Variants in ELOVL7 observed in about 807,000 individuals in gnomAD.
ELOVL7 encodes the protein ELOVL fatty acid elongase 7, also known as very long chain fatty acid elongase 7.
A neutral mutation model predicts 35.7 loss-of-function variants in ELOVL7; 27 were observed. The observed-to-expected ratio is 0.76, with a 90% CI of 0.56 to 1.04. The LOEUF is 1.04. ELOVL7 is among the 50% of genes least tolerant of loss of function. The probability of loss-of-function intolerance (pLI) is 0.00; values close to 1 mark genes in which losing one functional copy is unlikely to be tolerated. For synonymous variants in ELOVL7, 113 were observed against 114.6 expected (o/e 0.99, Z 0.09); for missense variants, 327 against 340.8 (o/e 0.96, Z 0.32).
rs1325404560 is a variant in ELOVL7, at chr5:60,818,560, G to A, written c.-85-19330C>T. Among the ~76,000 whole-genome samples the A allele has an allele frequency of 2.0e-5, 3 of 152,168 alleles. No homozygotes were observed. In the East Asian group the frequency reaches 5.8e-4, roughly 29 times the overall value. ...CTAAATTTTATGGCCATACATAGAA[G>A]GAAGTAAACTAAACAGTAATTATAA... On this transcript the variant is annotated intron_variant, in intron 1 of 8. Transcript: ENST00000508821.
chr5:60,754,564 T>TGC lies in ELOVL7; in HGVS notation c.*59_*60insGC. 2 of 1,467,004 alleles carry TGC rather than the reference T, an allele frequency of 1.4e-6. No individual in the cohort carries two copies. Among genetic ancestry groups the TGC allele is most frequent in the Non-Finnish European group, 1.9e-6 (2 of 1,049,944 alleles). 90.9% of individuals were successfully genotyped at this position (1,467,004 alleles called of 1,614,324 possible). A position where few individuals can be genotyped will look rare whatever the true frequency, so the allele number is the denominator to read the frequency against. The stretch of plus-strand genomic sequence containing the variant: ...ATACAAAATGCACTGCATAGGTAAA[T>TGC]ATCTCTTGATTGTCAAGGAAGACAA... On this transcript the variant is annotated 3_prime_UTR_variant, in exon 9 of 9. Transcript: ENST00000508821.
At chr5:60,790,633 T>C (rs73110227) in intron 2 of ELOVL7, among the ~76,000 whole-genome samples, 7,048 of 152,188 alleles carry the variant, frequency 0.046, 563 homozygotes, top group African/African-American at 0.16. Context: ...GTCTGGACTC[T>C]TTATTTTCCT....
At chr5:60,799,846 T>C (rs1228412152) in intron 1 of ELOVL7, among the ~76,000 whole-genome samples, 3 of 152,022 alleles carry the variant, frequency 2.0e-5, no homozygotes, top group Admixed American at 6.6e-5. Flanking sequence ...GAGACTAGCC[T>C]GACCAACATG....
intron 1 of ELOVL7, among the ~76,000 whole-genome samples, chr5:60,836,815 G>C (rs1746824680): frequency 6.6e-6 from 1 of 152,014 alleles, no homozygotes; most frequent in Admixed American, 6.5e-5. Context: ...AACTCTCTTT[G>C]TCTAGATCTC....
At chr5:60,832,892 TAC>T (rs1189853656) in intron 1 of ELOVL7, among the ~76,000 whole-genome samples, 1 of 152,200 alleles carries the variant, frequency 6.6e-6, no homozygotes, top group Non-Finnish European at 1.5e-5. Context: ...GCTAAAATAA[TAC>T]AGTTTTTTCT....
At chr5:60,828,222 T>A (rs961279369) in intron 1 of ELOVL7, among the ~76,000 whole-genome samples, 4 of 152,160 alleles carry the variant, frequency 2.6e-5, no homozygotes, top group African/African-American at 7.2e-5. Flanking sequence ...TTCCTGATAA[T>A]CTTTCAGCCA....
intron 1 of ELOVL7, among the ~76,000 whole-genome samples, chr5:60,825,064 T>G (rs1199749617): frequency 1.3e-5 from 2 of 151,986 alleles, no homozygotes; most frequent in African/African-American, 4.8e-5. Flanking sequence ...CAAGTGATTC[T>G]CCTGCCTCAG....
chr5:60,765,714 G>A (rs929647745), intron 6 of ELOVL7, among the ~76,000 whole-genome samples: 2 of 152,134 alleles, frequency 1.3e-5, no homozygotes, highest in South Asian at 2.1e-4. Flanking sequence ...GTTAAAGTTC[G>A]AGAACCACTG....
intron 1 of ELOVL7, among the ~76,000 whole-genome samples, chr5:60,817,284 A>T (rs1745568409): frequency 6.6e-6 from 1 of 152,000 alleles, no homozygotes; most frequent in Non-Finnish European, 1.5e-5. Context: ...AGATACAAAA[A>T]ACAGAGGGTT....
chr5:60,816,822 A>T (rs1175825536), intron 1 of ELOVL7, among the ~76,000 whole-genome samples: 2 of 152,256 alleles, frequency 1.3e-5, no homozygotes, highest in African/African-American at 2.4e-5. Flanking sequence ...AAAAAAATTA[A>T]TTGAAATCCA....
chr5:60,843,710 C>T (rs994429553), intron 1 of ELOVL7, among the ~76,000 whole-genome samples: 1 of 152,268 alleles, frequency 6.6e-6, no homozygotes, highest in Middle Eastern at 3.4e-3. Context: ...TCGAGCAGGT[C>T]CTTCTCCCTC....
At chr5:60,840,165 T>C (rs948505640) in intron 1 of ELOVL7, among the ~76,000 whole-genome samples, 27 of 152,324 alleles carry the variant, frequency 1.8e-4, no homozygotes, top group Admixed American at 3.9e-4. Context: ...GAAAACCCTA[T>C]GGCAGGTTGA....
intron 2 of ELOVL7, among the ~76,000 whole-genome samples, chr5:60,788,496 C>T (rs535046419): frequency 5.3e-5 from 8 of 152,038 alleles, no homozygotes; most frequent in Admixed American, 3.9e-4. Flanking sequence ...AAAAATTGGC[C>T]GGGTGCAGTG....
chr5:60,755,135 T>C (rs1741461367), intron 8 of ELOVL7, among the ~76,000 whole-genome samples: 1 of 152,210 alleles, frequency 6.6e-6, no homozygotes, highest in South Asian at 2.1e-4. Flanking sequence ...GAGCAGGTTT[T>C]CTCTAACAGT....
intron 1 of ELOVL7, among the ~76,000 whole-genome samples, chr5:60,827,191 GCAATA>G (rs1746218004): frequency 6.6e-6 from 1 of 152,122 alleles, no homozygotes; most frequent in Non-Finnish European, 1.5e-5. Flanking sequence ...GTATACATTT[GCAATA>G]CAATATTGCT....
At chr5:60,841,275 C>T (rs183270408) in intron 1 of ELOVL7, among the ~76,000 whole-genome samples, 38 of 152,270 alleles carry the variant, frequency 2.5e-4, no homozygotes, top group Non-Finnish European at 4.1e-4. Flanking sequence ...ATCCACCTGC[C>T]TCAGCCTCCC....
intron 7 of ELOVL7, among the ~76,000 whole-genome samples, chr5:60,759,998 A>G (rs1372831755): frequency 6.6e-6 from 1 of 152,194 alleles, no homozygotes; most frequent in Non-Finnish European, 1.5e-5. Flanking sequence ...ATAGTATTCC[A>G]TGGTATATAT....
At chr5:60,776,322 G>C (rs1025536894) in intron 3 of ELOVL7, among the ~76,000 whole-genome samples, 15 of 152,160 alleles carry the variant, frequency 9.9e-5, no homozygotes, top group African/African-American at 3.6e-4. Context: ...GCAGTTTGGA[G>C]ATTTCTCAAA....
intron 3 of ELOVL7, among the ~76,000 whole-genome samples, chr5:60,780,367 G>A (rs890222723): frequency 2.0e-5 from 3 of 151,970 alleles, no homozygotes; most frequent in South Asian, 2.1e-4. Context: ...TGACTCACCC[G>A]CCTCGGCCTC....
Sources: allele counts gnomAD v4.1 joint callset (sites outside exome capture counted in the v4.1 genomes callset), GRCh38; gene constraint gnomAD v4.1.1; transcripts MANE v1.5; gene names NCBI Gene and HGNC (gene_info 2026-07-23, HGNC 2026-07-21).